Variants in PLA2G4D observed in about 807,000 individuals in gnomAD.
PLA2G4D encodes cytosolic phospholipase A2 delta.
PLA2G4D carries 80 observed loss-of-function variants against 94.4 expected under a neutral mutation model. The observed-to-expected ratio is 0.85, with a 90% CI of 0.71 to 1.02. The LOEUF is 1.02. Among genes scored for constraint, PLA2G4D ranks in the 50% least tolerant of loss-of-function variants. PLA2G4D has a pLI of 0.00. For synonymous variants in PLA2G4D, 438 were observed against 440.9 expected (o/e 0.99, Z 0.08); for missense variants, 1,050 against 1,034.7 (o/e 1.01, Z -0.20).
intron 1 of PLA2G4D, among the ~76,000 whole-genome samples, chr15:42,088,384 T>C (rs1271965538): frequency 6.6e-6 from 1 of 152,076 alleles, no homozygotes; most frequent in Non-Finnish European, 1.5e-5. Flanking sequence ...GGGCAGAAGC[T>C]GGAGGAGAAG....
intron 13 of PLA2G4D, among the ~76,000 whole-genome samples, chr15:42,072,625 C>T (rs1297307818): frequency 1.3e-5 from 2 of 152,260 alleles, no homozygotes; most frequent in East Asian, 1.9e-4. Context: ...GAATCTCCAG[C>T]GAGGGCCATT....
chr15:42,085,063 G>A (rs759275488), intron 6 of PLA2G4D, 33 bp downstream of exon 6: 2 of 1,613,582 alleles, frequency 1.2e-6, no homozygotes, highest in South Asian at 1.1e-5. Context: ...TCTGCTCTGG[G>A]GCCCCTCCCC....
intron 18 of PLA2G4D, chr15:42,070,478 T>C (rs1249815998): frequency 1.8e-6 from 1 of 561,310 alleles, no homozygotes; most frequent in Non-Finnish European, 3.1e-6. Flanking sequence ...GTCCAGCTGT[T>C]CTTTGGAGTA....
intron 5 of PLA2G4D, 125 bp downstream of exon 5, chr15:42,085,366 C>A: frequency 8.3e-7 from 1 of 1,209,362 alleles, no homozygotes; most frequent in Non-Finnish European, 1.2e-6. Flanking sequence ...CACTCCCGAC[C>A]TCTCTGGCAG....
intron 1 of PLA2G4D, among the ~76,000 whole-genome samples, chr15:42,088,602 C>T (rs1042682060): frequency 6.6e-6 from 1 of 152,300 alleles, no homozygotes; most frequent in Middle Eastern, 3.4e-3. Context: ...TTCTTATAAG[C>T]CCCTTTGATG....
intron 1 of PLA2G4D, among the ~76,000 whole-genome samples, chr15:42,091,351 A>G (rs1595600377): frequency 6.6e-6 from 1 of 152,242 alleles, no homozygotes; most frequent in East Asian, 1.9e-4. Context: ...ATCATAACCT[A>G]GGAAAAACCA....
intron 19 of PLA2G4D, 121 bp downstream of exon 19, chr15:42,069,788 G>T: frequency 2.2e-6 from 2 of 929,050 alleles, no homozygotes; most frequent in Non-Finnish European, 3.0e-6. Flanking sequence ...GCCTGGATGG[G>T]CCTAGCCTGA....
Position 42,085,481 on chromosome 15 carries a change from C to A in PLA2G4D, c.428+10G>T, listed in dbSNP as rs748629375. 1.9e-6 allele frequency: 3 copies of A among 1,614,002 alleles called. No homozygotes were observed. Among genetic ancestry groups the A allele is most frequent in the Non-Finnish European group, 2.5e-6 (3 of 1,179,976 alleles). On this transcript the variant is annotated intron_variant, in intron 5 of 19. Coordinates refer to ENST00000290472, the MANE Select transcript of PLA2G4D (RefSeq NM_178034.4). ...CTGAGACACTCCCTGGGCTGTGTGA[C>A]ATTACTCACGTTTCTTCCATCAGGA...
At chr15:42,077,078 T>G (rs202241725) in intron 13 of PLA2G4D, among the ~76,000 whole-genome samples, 1 of 70,962 alleles carries the variant, frequency 1.4e-5, no homozygotes, top group Non-Finnish European at 3.6e-5. Flanking sequence ...GCAATGAGAT[T>G]GAAGCAGTAA....
chr15:42,089,151 G>A (rs1056742054), intron 1 of PLA2G4D, among the ~76,000 whole-genome samples: 3 of 152,160 alleles, frequency 2.0e-5, no homozygotes, highest in Non-Finnish European at 4.4e-5. Context: ...ATTTGATATC[G>A]CATAGCTGGG....
At position 42,071,274 on chromosome 15, in the gene PLA2G4D, C is replaced by A; in HGVS notation, c.1725G>T (p.Glu575Asp). 2 of 1,600,092 alleles carry A rather than the reference C, an allele frequency of 1.2e-6. No individual in the cohort carries two copies. The highest frequency in any genetic ancestry group is 1.8e-5 in the Admixed American group (1 of 55,262). ...CCGTGCCTGGCTGCAGCCACGAGGCCTCCAGCCGCGAGGAGGTCCCCGAGG... is the reference window on the plus strand; with the variant it reads ...CCGTGCCTGGCTGCAGCCACGAGGCATCCAGCCGCGAGGAGGTCCCCGAGG... Reference protein sequence around the residue: ...LTTSGTSSRLEASWLQPGTAL... With the variant: ...LTTSGTSSRLDASWLQPGTAL... The change falls in exon 17 of 20, where the codon GAG becomes GAT. Residue 575 changes from glutamate (E) to aspartate (D), a missense_variant. Coordinates refer to ENST00000290472, the MANE Select transcript of PLA2G4D (RefSeq NM_178034.4).
chr15:42,074,240 G>T (rs935996164), intron 13 of PLA2G4D, among the ~76,000 whole-genome samples: 1 of 152,174 alleles, frequency 6.6e-6, no homozygotes, highest in Admixed American at 6.5e-5. Flanking sequence ...TCACCAGTAA[G>T]CTGCGGCAGG....
rs1342330408 is a variant in PLA2G4D at position 42,068,088 on chromosome 15, A to G, written c.*627T>C. The G allele has an allele frequency of 6.6e-6, 1 of 152,334 alleles. No homozygotes were observed. The highest frequency in any genetic ancestry group is 1.5e-5 in the Non-Finnish European group (1 of 68,112). The allele number at this position is 152,334 out of a possible 1,614,324, so 9.4% of individuals were successfully genotyped here. ...TTAGAGCCGGTAAACAACTTCAGCA[A>G]GATTGCGGAATACAAGATCAACATT... On this transcript the variant is annotated 3_prime_UTR_variant, in exon 20 of 20. Transcript: ENST00000290472.
intron 13 of PLA2G4D, among the ~76,000 whole-genome samples, chr15:42,073,218 C>T (rs1417989112): frequency 6.6e-6 from 1 of 152,174 alleles, no homozygotes; most frequent in Non-Finnish European, 1.5e-5. Flanking sequence ...AGGCTGGTCT[C>T]AAATTCCTGA....
intron 1 of PLA2G4D, among the ~76,000 whole-genome samples, chr15:42,088,647 G>A (rs947542346): frequency 2.6e-5 from 4 of 152,198 alleles, no homozygotes; most frequent in Non-Finnish European, 5.9e-5. Flanking sequence ...AGGGCAAATG[G>A]CATTTTTTCC....
rs142816037 is a variant in PLA2G4D at position 42,083,077 on chromosome 15, G to A, written c.672+121C>T. Reference sequence around the variant, plus strand: ...TGCCAAGAGTGAGGTGCCTAACTAGGGGAGGCTGACAAGGCCACAGGGGCC... The same window carrying A: ...TGCCAAGAGTGAGGTGCCTAACTAGAGGAGGCTGACAAGGCCACAGGGGCC... On this transcript the variant is annotated intron_variant, in intron 8 of 19. Coordinates refer to ENST00000290472, the MANE Select transcript of PLA2G4D (RefSeq NM_178034.4). 9.6e-4 allele frequency: 1,283 copies of A among 1,342,810 alleles called. 14 individuals carry two copies. In the African/African-American group the frequency reaches 0.017, roughly 18 times the overall value. 83.2% of individuals were successfully genotyped at this position (1,342,810 alleles called of 1,614,324 possible). A position where few individuals can be genotyped will look rare whatever the true frequency, so the allele number is the denominator to read the frequency against.
chr15:42,081,373 A>G, intron 11 of PLA2G4D, 106 bp downstream of exon 11: 1 of 1,516,398 alleles, frequency 6.6e-7, no homozygotes, highest in Non-Finnish European at 8.9e-7. Context: ...CTCCACACAC[A>G]TGCCCACTCT....
In PLA2G4D at chr15:42,068,892, G is replaced by A. The variant is rs200341650; in HGVS notation, c.2280C>T (p.Thr760=). The change falls in exon 20 of 20, where the codon ACC becomes ACT. Residue 760 remains threonine, a synonymous_variant. Transcript: ENST00000290472. ...AELQGGQVDL[T]GATCPYTLSN... ...ACAGGGTGTAGGGGCAGGTGGCCCC[G>A]GTGAGATCCACTTGGCCACCCTGGA... is the stretch of plus-strand genomic sequence containing the variant. 1.9e-5 allele frequency: 31 copies of A among 1,612,712 alleles called. 1 individual carries two copies. Among genetic ancestry groups the A allele is most frequent in the South Asian group, 1.3e-4 (12 of 91,038 alleles).
In PLA2G4D at chr15:42,068,314, A is replaced by G. The variant is rs1889724012; in HGVS notation, c.*401T>C. The G allele has an allele frequency of 1.8e-5, 3 of 168,392 alleles. No homozygotes were observed. The highest frequency in any genetic ancestry group is 5.9e-5 in the Admixed American group (1 of 16,922). 10.4% of individuals were successfully genotyped at this position (168,392 alleles called of 1,614,324 possible). On this transcript the variant is annotated 3_prime_UTR_variant, in exon 20 of 20. Coordinates refer to ENST00000290472, the MANE Select transcript of PLA2G4D (RefSeq NM_178034.4). The stretch of plus-strand genomic sequence containing the variant: ...GGAGCAGGAAGAAGATGAGGAGGCA[A>G]TGTGTTCAGGATGTCTTGTGATTCC...
Sources: gnomAD v4.1 joint callset for allele counts (sites outside exome capture counted in the v4.1 genomes callset) on GRCh38, gnomAD v4.1.1 for gene constraint, MANE v1.5 for transcripts, NCBI Gene and HGNC (gene_info 2026-07-23, HGNC 2026-07-21) for gene names.